Variants in TSPAN12 observed in about 807,000 individuals in gnomAD.
TSPAN12 encodes the protein tetraspanin 12.
Under a neutral mutation model 39.2 loss-of-function variants are expected in TSPAN12, and 19 were observed. The ratio of observed to expected loss-of-function variants is 0.49; its 90% CI spans 0.34 to 0.71. The LOEUF (loss-of-function observed/expected upper bound fraction) is 0.71. Ranked by LOEUF, TSPAN12 falls within the 30% of genes least tolerant of loss-of-function variation. TSPAN12 has a pLI of 0.01. For missense variants in TSPAN12, 314 were observed against 359.9 expected (o/e 0.87, Z 1.03); for synonymous variants, 119 against 124.8 (o/e 0.95, Z 0.31).
intron 2 of TSPAN12, among the ~76,000 whole-genome samples, chr7:120,851,722 C>T (rs368062389): frequency 8.5e-5 from 13 of 152,194 alleles, no homozygotes; most frequent in Non-Finnish European, 1.3e-4. Flanking sequence ...AGGTAACCCA[C>T]GTCCTTACTC....
chr7:120,832,146 T>C (rs1205728530), intron 4 of TSPAN12, among the ~76,000 whole-genome samples: 1 of 151,980 alleles, frequency 6.6e-6, no homozygotes. Context: ...CTCAGCAAGG[T>C]TTACTGATTT....
At position 120,810,501 on chromosome 7, in the gene TSPAN12, G is replaced by A. The variant is rs758026917; in HGVS notation, c.430C>T (p.Arg144Trp). Residue 144 changes from arginine (R) to tryptophan (W), a missense_variant, in exon 6 of 8, where the codon CGG becomes TGG. Transcript: ENST00000222747. ...RMTNYGLPRY[R>W]WLTHAWNFFQ... ...AAATTCCAAGCATGAGTAAGCCACC[G>A]ATATCTAGGTAATCCATAATTTGTC... 3 of 1,613,544 alleles carry A rather than the reference G, an allele frequency of 1.9e-6. No homozygotes were observed. Among genetic ancestry groups the A allele is most frequent in the South Asian group, 2.2e-5 (2 of 91,068 alleles).
At chr7:120,827,193 T>C (rs1794305776) in intron 4 of TSPAN12, among the ~76,000 whole-genome samples, 2 of 150,492 alleles carry the variant, frequency 1.3e-5, no homozygotes, top group Non-Finnish European at 3.0e-5. Context: ...CTAAATCACA[T>C]TTTTTTTTGC....
chr7:120,815,895 A>G lies in TSPAN12; in HGVS notation c.286-92T>C, dbSNP rs1326222737. 5 of 1,166,114 alleles carry G rather than the reference A, an allele frequency of 4.3e-6. No individual in the cohort carries two copies. The East Asian group carries it at 1.3e-4, about 30-fold the overall frequency. 72.2% of individuals were successfully genotyped at this position (1,166,114 alleles called of 1,614,324 possible). On this transcript the variant is annotated intron_variant, in intron 4 of 7. Coordinates refer to ENST00000222747, the MANE Select transcript of TSPAN12 (RefSeq NM_012338.4). ...TGGTATTATGTTTACCTAGTGACCA[A>G]GAAAACAGAGGCAAGTTTTCATGAA...
In TSPAN12 at chr7:120,788,522, C is replaced by G; in HGVS notation, c.*70G>C. ...TTTATTTCTACATATTTCTGAAACA[C>G]ATAGTATGTACTCAAAAATTCACAA... On this transcript the variant is annotated 3_prime_UTR_variant, in exon 8 of 8. Transcript: ENST00000222747. The G allele has an allele frequency of 6.5e-7, 1 of 1,545,212 alleles. No individual in the cohort carries two copies.
intron 4 of TSPAN12, among the ~76,000 whole-genome samples, chr7:120,818,898 A>G (rs1299325760): frequency 1.3e-5 from 2 of 152,154 alleles, no homozygotes; most frequent in Non-Finnish European, 2.9e-5. Context: ...ATAGTACTTC[A>G]AGCCAATTTT....
At chr7:120,840,217 A>G in intron 2 of TSPAN12, 108 bp from the exon 3 acceptor site, 1 of 869,602 alleles carries the variant, frequency 1.1e-6, no homozygotes, top group Non-Finnish European at 1.9e-6. Context: ...TTTCCCAATT[A>G]CCATTTGCTG....
intron 7 of TSPAN12, among the ~76,000 whole-genome samples, chr7:120,803,041 G>C (rs756286621): frequency 6.6e-6 from 1 of 152,060 alleles, no homozygotes; most frequent in African/African-American, 2.4e-5. Flanking sequence ...GAGACCTTGC[G>C]GTTCATCTAG....
At chr7:120,804,703 A>G (rs918295485) in intron 7 of TSPAN12, among the ~76,000 whole-genome samples, 2 of 152,132 alleles carry the variant, frequency 1.3e-5, no homozygotes, top group African/African-American at 4.8e-5. Flanking sequence ...AGAGCTTAGT[A>G]CCTCAGAATG....
chr7:120,853,699 C>G (rs777597683), intron 2 of TSPAN12, among the ~76,000 whole-genome samples: 64 of 149,184 alleles, frequency 4.3e-4, no homozygotes, highest in Admixed American at 9.3e-4. Context: ...ATGATGAAAC[C>G]CCATCTCTAC....
chr7:120,806,696 C>A lies in TSPAN12; in HGVS notation c.469-4G>T, dbSNP rs79477598. On this transcript the variant is annotated splice_polypyrimidine_tract_variant and splice_region_variant and intron_variant, in intron 6 of 7. Coordinates refer to ENST00000222747, the MANE Select transcript of TSPAN12 (RefSeq NM_012338.4). The stretch of plus-strand genomic sequence containing the variant: ...ATACTACTCCACAGCACTTAAACTG[C>A]AAAAAAAATCACTAGTCAGCCTCAG... The A allele has an allele frequency of 1.2e-6, 2 of 1,612,232 alleles. No individual in the cohort carries two copies. The highest frequency in any genetic ancestry group is 1.7e-6 in the Non-Finnish European group (2 of 1,179,022).
chr7:120,826,259 G>C (rs1288241342), intron 4 of TSPAN12, among the ~76,000 whole-genome samples: 1 of 152,162 alleles, frequency 6.6e-6, no homozygotes, highest in Non-Finnish European at 1.5e-5. Flanking sequence ...ACTAGACAGA[G>C]AAATGTGTTA....
At chr7:120,815,828 T>C in intron 4 of TSPAN12, 25 bp from the exon 5 acceptor site, 1 of 1,594,756 alleles carries the variant, frequency 6.3e-7, no homozygotes, top group Non-Finnish European at 8.6e-7. Flanking sequence ...AAAAGTATGC[T>C]GTTATAGTAT....
At chr7:120,791,888 A>T (rs1793531080) in intron 7 of TSPAN12, among the ~76,000 whole-genome samples, 2 of 152,184 alleles carry the variant, frequency 1.3e-5, no homozygotes, top group Admixed American at 6.5e-5. Flanking sequence ...TTTTAAAAAC[A>T]TGGCAAAAAA....
intron 7 of TSPAN12, among the ~76,000 whole-genome samples, chr7:120,796,869 CT>C (rs1309337502): frequency 2.0e-5 from 3 of 152,146 alleles, no homozygotes; most frequent in Admixed American, 6.6e-5. Context: ...AAGAACATAG[CT>C]TCTGGCTGGG....
chr7:120,842,783 A>G (rs1057187761), intron 2 of TSPAN12, among the ~76,000 whole-genome samples: 14 of 152,198 alleles, frequency 9.2e-5, no homozygotes, highest in South Asian at 2.1e-4. Context: ...GTATTTCGAT[A>G]TAATTAATTT....
chr7:120,837,561 C>T (rs1231699039), intron 4 of TSPAN12, among the ~76,000 whole-genome samples: 1 of 152,140 alleles, frequency 6.6e-6, no homozygotes, highest in Non-Finnish European at 1.5e-5. Context: ...ATCTGCCTGC[C>T]TCGGCCTCCC....
At chr7:120,846,705 G>A (rs1005646354) in intron 2 of TSPAN12, among the ~76,000 whole-genome samples, 4 of 152,168 alleles carry the variant, frequency 2.6e-5, no homozygotes, top group Admixed American at 2.0e-4. Context: ...CCTCTGTGGT[G>A]CAATTAACTA....
At chr7:120,846,593 T>C (rs1794674193) in intron 2 of TSPAN12, among the ~76,000 whole-genome samples, 1 of 152,240 alleles carries the variant, frequency 6.6e-6, no homozygotes, top group African/African-American at 2.4e-5. Context: ...GCCTGGGCTT[T>C]GAAGTCATTC....
Sources: allele counts gnomAD v4.1 joint callset (sites outside exome capture counted in the v4.1 genomes callset), GRCh38; gene constraint gnomAD v4.1.1; transcripts MANE v1.5; gene names NCBI Gene and HGNC (gene_info 2026-07-23, HGNC 2026-07-21).